Variants in CACNA1C observed in about 807,000 individuals in gnomAD.
CACNA1C encodes voltage-dependent L-type calcium channel subunit alpha-1C.
A neutral mutation model predicts 229.0 loss-of-function variants in CACNA1C; 30 were observed. That is an observed-to-expected ratio of 0.13 (90% CI 0.10 to 0.18). The LOEUF (loss-of-function observed/expected upper bound fraction) is 0.18, where lower values mean the gene tolerates loss of function less well. Ranked by LOEUF, CACNA1C falls within the 10% of genes least tolerant of loss-of-function variation. The probability of loss-of-function intolerance (pLI) is 1.00; values close to 1 mark genes in which losing one functional copy is unlikely to be tolerated. For synonymous variants in CACNA1C, 1,114 were observed against 1,132.5 expected (o/e 0.98, Z 0.33); for missense variants, 1,658 against 2,845.0 (o/e 0.58, Z 9.49).
intron 27 of CACNA1C, among the ~76,000 whole-genome samples, chr12:2,610,234 C>T (rs1043163748): frequency 1.3e-5 from 2 of 152,156 alleles, no homozygotes; most frequent in Admixed American, 6.5e-5. Flanking sequence ...GACTCCCTGC[C>T]GAGGCACATG....
At position 2,434,862 on chromosome 12, in the gene CACNA1C, C is replaced by T. The variant is rs142933352; in HGVS notation, c.478-14114C>T. Among the ~76,000 whole-genome samples, 288 of 152,340 alleles carry T rather than the reference C, an allele frequency of 1.9e-3. 1 individual carries two copies. The highest frequency in any genetic ancestry group is 3.2e-3 in the Non-Finnish European group (216 of 68,032). On this transcript the variant is annotated intron_variant, in intron 3 of 46. Transcript: ENST00000399655. ...CTGTCATTACCTCCTTCCTGGACCACGGCAGAGGTCTCCCCACTTCAGTCT... is the reference window on the plus strand; with the variant it reads ...CTGTCATTACCTCCTTCCTGGACCATGGCAGAGGTCTCCCCACTTCAGTCT...
chr12:2,444,558 C>G (rs2099259927), intron 3 of CACNA1C, among the ~76,000 whole-genome samples: 1 of 152,078 alleles, frequency 6.6e-6, no homozygotes, highest in Admixed American at 6.5e-5. Flanking sequence ...AAGATGAACT[C>G]TGCTCTGGGC....
At chr12:2,046,196 T>C (rs1426249797) in intron 1 of CACNA1C, among the ~76,000 whole-genome samples, 3 of 152,168 alleles carry the variant, frequency 2.0e-5, no homozygotes, top group Non-Finnish European at 2.9e-5. Flanking sequence ...AAAAACTGAA[T>C]ACATGTGGGA....
chr12:2,007,290 T>C (rs2043633336), intron 1 of CACNA1C, among the ~76,000 whole-genome samples: 1 of 152,254 alleles, frequency 6.6e-6, no homozygotes, highest in Admixed American at 6.5e-5. Flanking sequence ...TTTTTCAGTC[T>C]TTCCATCTTT....
chr12:2,318,936 G>C (rs1021644363), intron 3 of CACNA1C, among the ~76,000 whole-genome samples: 3 of 150,792 alleles, frequency 2.0e-5, no homozygotes, highest in Admixed American at 2.0e-4. Flanking sequence ...AGGGAAGGAA[G>C]GAAGGCAGGC....
At chr12:2,447,095 G>A (rs1477855144) in intron 3 of CACNA1C, among the ~76,000 whole-genome samples, 4 of 152,128 alleles carry the variant, frequency 2.6e-5, no homozygotes, top group African/African-American at 9.7e-5. Context: ...ATAAGGAGAT[G>A]GGCTAAGGGG....
chr12:2,412,415 T>C (rs1044927207), intron 3 of CACNA1C, among the ~76,000 whole-genome samples: 1 of 152,212 alleles, frequency 6.6e-6, no homozygotes, highest in African/African-American at 2.4e-5. Context: ...TAAGGGGCGG[T>C]GCCCAGCAGA....
chr12:2,584,375 C>T, intron 15 of CACNA1C, 128 bp from the exon 16 acceptor site: 1 of 652,760 alleles, frequency 1.5e-6, no homozygotes, highest in Non-Finnish European at 2.8e-6. Flanking sequence ...CTGACTCCCT[C>T]AAATTGCTTC....
chr12:2,650,454 G>A (rs555450062), intron 31 of CACNA1C, among the ~76,000 whole-genome samples: 8 of 152,264 alleles, frequency 5.3e-5, no homozygotes, highest in East Asian at 3.9e-4. Context: ...CTCCCACCTC[G>A]CGGGAGGTGT....
At chr12:2,469,512 C>G (rs2154567457) in intron 5 of CACNA1C, among the ~76,000 whole-genome samples, 1 of 152,316 alleles carries the variant, frequency 6.6e-6, no homozygotes, top group South Asian at 2.1e-4. Context: ...CATCTTCCTT[C>G]TGAAGACATG....
chr12:2,318,522 T>C (rs1204099897), intron 3 of CACNA1C, among the ~76,000 whole-genome samples: 3 of 152,254 alleles, frequency 2.0e-5, no homozygotes, highest in Admixed American at 1.3e-4. Context: ...GCCTGGTATA[T>C]GCTACGCCCT....
intron 5 of CACNA1C, among the ~76,000 whole-genome samples, chr12:2,476,109 A>G (rs941852207): frequency 2.0e-5 from 3 of 152,262 alleles, no homozygotes; most frequent in African/African-American, 7.2e-5. Flanking sequence ...ACAAAACTAC[A>G]GTTTGCCACC....
rs113599161 is a variant in CACNA1C at position 2,430,573 on chromosome 12, G to T, written c.478-18403G>T. Among the ~76,000 whole-genome samples, 24 of 149,290 alleles carry T rather than the reference G, an allele frequency of 1.6e-4. 2 individuals carry two copies. The highest frequency in any genetic ancestry group is 5.6e-4 in the African/African-American group (22 of 39,588). ...CCACCCCTGACTCAGTCTGGGAGGT[G>T]GTGGGGGGGTCCGAGCATGTATGAG... On this transcript the variant is annotated intron_variant, in intron 3 of 46. Transcript: ENST00000399655.
rs116310856 is a variant in CACNA1C at position 2,348,561 on chromosome 12, C to G, written c.478-100415C>G. 6.6e-6 allele frequency among the ~76,000 whole-genome samples: 1 copy of G among 152,200 alleles called. No homozygotes were observed. Among genetic ancestry groups the G allele is most frequent in the Non-Finnish European group, 1.5e-5 (1 of 68,044 alleles). On this transcript the variant is annotated intron_variant, in intron 3 of 46. Transcript: ENST00000399655. The surrounding 1 kb of genome is among the most constrained non-coding windows in gnomAD (Gnocchi z 4.7). ...CGCCGGGTGGGCAAGGATTTCAAGT[C>G]GTCGGCACAAGAAGAGACACTATAT...
chr12:2,115,352 C>T lies in CACNA1C; in HGVS notation c.178C>T (p.Arg60Trp). 1.3e-6 allele frequency: 2 copies of T among 1,593,770 alleles called. No individual in the cohort carries two copies. Among genetic ancestry groups the T allele is most frequent in the South Asian group, 1.1e-5 (1 of 88,682 alleles). ...GTGGCAGGCGGCCATCGACGCAGCC[C>T]GGCAGGCTAAGCTGATGGGCAGCGC... ...LSWQAAIDAA[R>W]QAKLMGSAGN... is the part of the protein sequence containing the mutation. Residue 60 changes from arginine (R) to tryptophan (W), a missense_variant, in exon 2 of 47, where the codon CGG becomes TGG. Around this residue, in one of 20 missense-constraint regions of CACNA1C, gnomAD observed 111 missense variants for 128.0 expected, o/e 0.87. Transcript: ENST00000399655.
intron 1 of CACNA1C, among the ~76,000 whole-genome samples, chr12:2,099,048 G>T (rs1380567562): frequency 1.2e-4 from 18 of 152,206 alleles, no homozygotes; most frequent in Admixed American, 9.8e-4. Flanking sequence ...TCCCTCCCTG[G>T]AACCTGGTTC....
chr12:2,174,883 T>G (rs2096600291), intron 3 of CACNA1C, among the ~76,000 whole-genome samples: 1 of 152,194 alleles, frequency 6.6e-6, no homozygotes, highest in South Asian at 2.1e-4. Context: ...TTACTATTCA[T>G]TAAGTGGAAG....
At chr12:2,380,005 T>C (rs1444684337) in intron 3 of CACNA1C, among the ~76,000 whole-genome samples, 6 of 129,018 alleles carry the variant, frequency 4.7e-5, no homozygotes, top group African/African-American at 9.2e-5. Context: ...CACTCCAGCC[T>C]GGGCGACAGA....
At chr12:2,446,734 T>G (rs1026019314) in intron 3 of CACNA1C, among the ~76,000 whole-genome samples, 1 of 145,942 alleles carries the variant, frequency 6.9e-6, no homozygotes, top group Non-Finnish European at 1.5e-5. Context: ...GGTGGGTGAA[T>G]GGATGGATGA....
Sources: gnomAD v4.1 joint callset for allele counts (sites outside exome capture counted in the v4.1 genomes callset) on GRCh38, gnomAD v4.1.1 for gene constraint, gnomAD v4.1.1 regional missense constraint, Gnocchi (gnomAD v3.1) non-coding constraint, MANE v1.5 for transcripts, NCBI Gene and HGNC (gene_info 2026-07-23, HGNC 2026-07-21) for gene names.